PRICKLE2: variants seen among roughly 807,000 people sequenced by gnomAD.
PRICKLE2 encodes prickle-like protein 2.
PRICKLE2 carries 21 observed loss-of-function variants against 81.4 expected under a neutral mutation model. The ratio of observed to expected loss-of-function variants is 0.26; its 90% CI spans 0.18 to 0.37. The LOEUF is 0.37. Among genes scored for constraint, PRICKLE2 ranks in the 10% least tolerant of loss-of-function variants. The pLI is 1.00. For synonymous variants in PRICKLE2, 456 were observed against 421.5 expected, an observed-to-expected ratio of 1.08 and a Z score of -1.00; for missense variants, 940 against 1,109.0, an observed-to-expected ratio of 0.85 and a Z score of 2.16.
At chr3:64,250,280 T>C (rs2079426932) in intron 2 of PRICKLE2, among the ~76,000 whole-genome samples, 1 of 152,230 alleles carries the variant, frequency 6.6e-6, no homozygotes, top group Admixed American at 6.5e-5. Flanking sequence ...TTGTGTACTG[T>C]AGGATATTTA....
chr3:64,178,027 C>T (rs1036761865), intron 2 of PRICKLE2, among the ~76,000 whole-genome samples: 3 of 152,230 alleles, frequency 2.0e-5, no homozygotes, highest in Non-Finnish European at 4.4e-5. Flanking sequence ...CAGCAATGCA[C>T]AGAAATTCCA....
At chr3:64,267,254 T>C (rs1318141972) in intron 2 of PRICKLE2, among the ~76,000 whole-genome samples, 1 of 152,066 alleles carries the variant, frequency 6.6e-6, no homozygotes, top group Admixed American at 6.5e-5. Context: ...CATGTAGAGC[T>C]AGGAAGGGCT....
chr3:64,251,467 C>G (rs1481233194), intron 2 of PRICKLE2, among the ~76,000 whole-genome samples: 1 of 152,176 alleles, frequency 6.6e-6, no homozygotes, highest in African/African-American at 2.4e-5. Context: ...AAGTTCCCAC[C>G]AAGCAATCAT....
At chr3:64,258,853 G>GAAAGAAAGAAAGAAAGAAAGAAAT (rs1559608429) in intron 2 of PRICKLE2, among the ~76,000 whole-genome samples, 1 of 120,440 alleles carries the variant, frequency 8.3e-6, no homozygotes, top group Non-Finnish European at 1.7e-5. Flanking sequence ...AAAAAAGAAA[G>GAAAGAAAGAAAGAAAGAAAGAAAT]AAAGAAAGAA....
At chr3:64,238,088 C>A (rs998973701) in intron 2 of PRICKLE2, among the ~76,000 whole-genome samples, 8 of 152,154 alleles carry the variant, frequency 5.3e-5, no homozygotes, top group African/African-American at 1.9e-4. Context: ...GAGGACCAGA[C>A]CAAAGCAGGG....
rs2079579165 is a variant in PRICKLE2, at chr3:64,259,094, G to C, written c.129-60127C>G. On this transcript the variant is annotated intron_variant, in intron 2 of 8. Transcript: ENST00000295902. Reference sequence around the variant, plus strand: ...AGTGAAAAGATCTAGAAGATGTAATGTGACCTTTGAGAGATCTGGAACCCA... The same window carrying C: ...AGTGAAAAGATCTAGAAGATGTAATCTGACCTTTGAGAGATCTGGAACCCA... Among the ~76,000 whole-genome samples, 3 of 152,128 alleles carry C rather than the reference G, an allele frequency of 2.0e-5. No individual in the cohort carries two copies. The South Asian group carries it at 6.2e-4, about 32-fold the overall frequency.
Position 64,099,205 on chromosome 3 carries a change from G to T in PRICKLE2, c.2381C>A (p.Pro794His). 6.2e-7 allele frequency: 1 copy of T among 1,614,208 alleles called. No homozygotes were observed. The highest frequency in any genetic ancestry group is 8.5e-7 in the Non-Finnish European group (1 of 1,180,038). Residue 794 changes from proline to histidine, a missense_variant, in exon 8 of 8, where the codon CCC becomes CAC. Around this residue, in one of 2 missense-constraint regions of PRICKLE2, gnomAD observed 670 missense variants for 717.2 expected, o/e 0.93. Coordinates refer to ENST00000638394, the MANE Select transcript of PRICKLE2 (RefSeq NM_198859.4). The surrounding 1 kb of genome is among the most constrained non-coding windows in gnomAD (Gnocchi z 4.3). ...SDNEGYFLGE[P>H]IPQPARLRYV... ...TCGCAGGCGCGCTGGCTGGGGGATGGGTTCTCCTAGGAAATAGCCCTCGTT... is the reference window on the plus strand; with the variant it reads ...TCGCAGGCGCGCTGGCTGGGGGATGTGTTCTCCTAGGAAATAGCCCTCGTT...
chr3:64,191,361 A>G (rs2078332882), intron 2 of PRICKLE2, among the ~76,000 whole-genome samples: 1 of 152,172 alleles, frequency 6.6e-6, no homozygotes, highest in South Asian at 2.1e-4. Context: ...CTTATTGAGC[A>G]ACTTCTACGT....
At chr3:64,161,567 C>T (rs1202068498) in intron 3 of PRICKLE2, among the ~76,000 whole-genome samples, 2 of 152,136 alleles carry the variant, frequency 1.3e-5, no homozygotes, top group African/African-American at 4.8e-5. Context: ...TAAATCTGCC[C>T]ACTGGGTCAC....
rs116066864 is a variant in PRICKLE2 at position 64,183,904 on chromosome 3, C to T, written c.144+14880G>A. Among the ~76,000 whole-genome samples, 1,373 of 152,294 alleles carry T rather than the reference C, an allele frequency of 9.0e-3. 16 individuals carry two copies. Among genetic ancestry groups the T allele is most frequent in the African/African-American group, 0.032 (1,311 of 41,558 alleles). On this transcript the variant is annotated intron_variant, in intron 2 of 7. Coordinates refer to ENST00000638394, the MANE Select transcript of PRICKLE2 (RefSeq NM_198859.4). ...AGTCTACATTCCCTGGGTATTTACC[C>T]TGATGTCGTAGGGGAAGAGTGGTAT...
intron 1 of PRICKLE2, among the ~76,000 whole-genome samples, chr3:64,219,221 G>A (rs547937174): frequency 2.6e-5 from 4 of 152,282 alleles, no homozygotes; most frequent in South Asian, 4.1e-4. Flanking sequence ...AATTCATTCT[G>A]AAAGTTTGCA....
intron 7 of PRICKLE2, among the ~76,000 whole-genome samples, chr3:64,126,219 C>A (rs1166854042): frequency 2.0e-5 from 3 of 152,190 alleles, no homozygotes; most frequent in African/African-American, 7.2e-5. Flanking sequence ...CTGAAACAGT[C>A]TGGGACAAGA....
intron 2 of PRICKLE2, among the ~76,000 whole-genome samples, chr3:64,249,284 A>G (rs928721462): frequency 6.6e-6 from 1 of 152,092 alleles, no homozygotes; most frequent in Admixed American, 6.5e-5. Flanking sequence ...TTAAACCATC[A>G]TATCTCATGA....
rs977649791 is a variant in PRICKLE2, at chr3:64,128,476, G to A, written c.1660+18354C>T. Among the ~76,000 whole-genome samples, 146 of 152,176 alleles carry A rather than the reference G, an allele frequency of 9.6e-4. 1 individual carries two copies. Among genetic ancestry groups the A allele is most frequent in the Non-Finnish European group, 1.6e-4 (11 of 68,020 alleles). On this transcript the variant is annotated intron_variant, in intron 7 of 7. Coordinates refer to ENST00000638394, the MANE Select transcript of PRICKLE2 (RefSeq NM_198859.4). ...TTAAAAAGCGTATTTGGCCAGGTGC[G>A]GTGGCCAACGCCTGTAATCCTAACA...
At chr3:64,152,261 T>C (rs2077559597) in intron 6 of PRICKLE2, among the ~76,000 whole-genome samples, 1 of 152,184 alleles carries the variant, frequency 6.6e-6, no homozygotes, top group South Asian at 2.1e-4. Context: ...CTTCTTGGGA[T>C]TGCACAAGCC....
chr3:64,093,231 T>C lies in PRICKLE2; in HGVS notation c.*5820A>G, dbSNP rs186184031. ...CGTTTTAAGGCTGAATAATATTCCA[T>C]TGTATGTATACACCACACCTTGTTT... On this transcript the variant is annotated 3_prime_UTR_variant, in exon 8 of 8. Transcript: ENST00000638394. 11 of 157,770 alleles carry C rather than the reference T, an allele frequency of 7.0e-5. No homozygotes were observed. The East Asian group carries it at 1.8e-3, about 26-fold the overall frequency. 9.8% of individuals were successfully genotyped at this position (157,770 alleles called of 1,614,324 possible). A position where few individuals can be genotyped will look rare whatever the true frequency, so the allele number is the denominator to read the frequency against.
intron 2 of PRICKLE2, among the ~76,000 whole-genome samples, chr3:64,256,586 C>A (rs2079528536): frequency 6.6e-6 from 1 of 152,126 alleles, no homozygotes; most frequent in South Asian, 2.1e-4. Flanking sequence ...TAAATGATAC[C>A]TGCTACTAAA....
At position 64,098,293 on chromosome 3, in the gene PRICKLE2, AC is replaced by A. The variant is rs1438409768; in HGVS notation, c.*757del. The A allele has an allele frequency of 3.3e-5, 5 of 152,598 alleles. No homozygotes were observed. Among genetic ancestry groups the A allele is most frequent in the Admixed American group, 6.5e-5 (1 of 15,294 alleles). The allele number at this position is 152,598 out of a possible 1,614,324, so 9.5% of individuals were successfully genotyped here. On this transcript the variant is annotated 3_prime_UTR_variant, in exon 8 of 8. Transcript: ENST00000638394. Reference sequence around the variant, plus strand: ...ATTTGCAATTTAAAAAAAAATTACTACCACTTTGTAGAAAATAAATTCTACT... The same window carrying A: ...ATTTGCAATTTAAAAAAAAATTACTACACTTTGTAGAAAATAAATTCTACT...
intron 2 of PRICKLE2, among the ~76,000 whole-genome samples, chr3:64,236,952 C>A (rs1197458108): frequency 1.3e-5 from 2 of 152,190 alleles, no homozygotes; most frequent in African/African-American, 4.8e-5. Flanking sequence ...GTGATCTCTG[C>A]ATCTGAGTGA....
Sources: allele counts gnomAD v4.1 joint callset (sites outside exome capture counted in the v4.1 genomes callset), GRCh38; gene constraint gnomAD v4.1.1; regional missense constraint gnomAD v4.1.1; non-coding constraint Gnocchi (gnomAD v3.1); transcripts MANE v1.5; gene names NCBI Gene and HGNC (gene_info 2026-07-23, HGNC 2026-07-21).